Variants in AHNAK2 observed in about 807,000 individuals in gnomAD.
AHNAK2 encodes protein AHNAK2.
AHNAK2 carries 18 observed loss-of-function variants against 30.7 expected under a neutral mutation model. That is an observed-to-expected ratio of 0.59 (90% CI 0.41 to 0.87). AHNAK2 has a LOEUF of 0.87. AHNAK2 is among the 40% of genes least tolerant of loss of function. AHNAK2 has a pLI of 0.00. For synonymous variants in AHNAK2, 3,590 were observed against 3,073.8 expected (o/e 1.17, Z -5.56); for missense variants, 8,604 against 7,373.0 (o/e 1.17, Z -6.11).
At position 104,953,988 on chromosome 14, in the gene AHNAK2, T is replaced by C. The variant is rs1191243972; in HGVS notation, c.1463A>G (p.Asp488Gly). 1 of 1,613,766 alleles carries C rather than the reference T, an allele frequency of 6.2e-7. No individual in the cohort carries two copies. Among genetic ancestry groups the C allele is most frequent in the Non-Finnish European group, 8.5e-7 (1 of 1,179,896 alleles). The stretch of plus-strand genomic sequence containing the variant: ...AAATGCAAATTTTGGTGTCTTTAAA[T>C]CGTGTACTCGCACCCTAATTTCTGG... Reference protein sequence around the residue: ...GPPEIRVRVHDLKTPKFAFST... With the variant: ...GPPEIRVRVHGLKTPKFAFST... The change falls in exon 7 of 7, where the codon GAT becomes GGT. Residue 488 changes from aspartate (D) to glycine (G), a missense_variant. Coordinates refer to ENST00000333244, the MANE Select transcript of AHNAK2 (RefSeq NM_138420.4).
Position 104,947,180 on chromosome 14 carries a change from G to C in AHNAK2, c.8271C>G (p.Asn2757Lys), listed in dbSNP as rs566174043. The C allele has an allele frequency of 3.7e-4, 591 of 1,611,088 alleles. 21 individuals carry two copies. The African/African-American group carries it at 6.3e-3, about 17-fold the overall frequency. Residue 2757 changes from asparagine (N) to lysine (K), a missense_variant, in exon 7 of 7, where the codon AAC becomes AAG. By Grantham distance (94) the Asn-to-Lys change is moderately conservative. Coordinates refer to ENST00000333244, the MANE Select transcript of AHNAK2 (RefSeq NM_138420.4). ...KGPQIDVKGP[N>K]VDLKGPKAEV... ...CCGCCTTGGGGCCTTTCAGGTCCAC[G>C]TTGGGGCCCTTAACATCTATCTGGG...
intron 1 of AHNAK2, among the ~76,000 whole-genome samples, chr14:104,973,882 G>A (rs940087567): frequency 9.2e-5 from 14 of 152,318 alleles, no homozygotes; most frequent in East Asian, 5.8e-4. Context: ...GCAGGGACCC[G>A]CAGCCGGAGG....
Position 104,944,347 on chromosome 14 carries a change from TCTGGCCAGC to T in AHNAK2, c.11095_11103del (p.Ala3699_Gln3701del). ...TGGCCCTCCGGGAGCTTCACATCCA[TCTGGCCAGC>T]CTGGACCTTCAGGTCGGCAGAAGGG... is the stretch of plus-strand genomic sequence containing the variant. On this transcript the variant is annotated inframe_deletion, in exon 7 of 7. Coordinates refer to ENST00000333244, the MANE Select transcript of AHNAK2 (RefSeq NM_138420.4). 1.2e-6 allele frequency: 2 copies of T among 1,609,592 alleles called. No individual in the cohort carries two copies. Among genetic ancestry groups the T allele is most frequent in the Non-Finnish European group, 1.7e-6 (2 of 1,178,262 alleles).
Position 104,939,397 on chromosome 14 carries a change from C to A in AHNAK2, c.16054G>T (p.Glu5352Ter), listed in dbSNP as rs761762358. Reference sequence around the variant, plus strand: ...GAAGCTTTCAATTTAAGTGGACCTTCAGGCTGGGAAGACCATTTCTCTGTT... The same window carrying A: ...GAAGCTTTCAATTTAAGTGGACCTTAAGGCTGGGAAGACCATTTCTCTGTT... Reference protein sequence around the residue: ...DKTEKWSSQPEGPLKLKASST... With the variant: ...DKTEKWSSQP Residue 5352 changes from glutamate to a stop codon, truncating the protein, a stop_gained, in exon 7 of 7, where the codon GAA (glutamate) becomes TAA (stop). Coordinates refer to ENST00000333244, the MANE Select transcript of AHNAK2 (RefSeq NM_138420.4). LOFTEE classifies it low-confidence loss of function (END_TRUNC). 4 of 1,613,538 alleles carry A rather than the reference C, an allele frequency of 2.5e-6. No individual in the cohort carries two copies. The Admixed American group carries it at 5.0e-5, about 20-fold the overall frequency.
chr14:104,967,804 G>C (rs934150316), intron 1 of AHNAK2, among the ~76,000 whole-genome samples: 14 of 152,180 alleles, frequency 9.2e-5, no homozygotes, highest in Admixed American at 7.2e-4. Context: ...TGCGCAGCCA[G>C]GCTACCGGCC....
At position 104,950,153 on chromosome 14, in the gene AHNAK2, G is replaced by C. The variant is rs1429162425; in HGVS notation, c.5298C>G (p.Pro1766=). ...LKGPQMDVKG[P]KLDLKGPKAE... ...CCTTGGGGCCTTTCAGGTCCAGCTTGGGGCCCTTGACGTCCATCTGGGGGC... is the reference window on the plus strand; with the variant it reads ...CCTTGGGGCCTTTCAGGTCCAGCTTCGGGCCCTTGACGTCCATCTGGGGGC... Residue 1766 remains proline (P), a synonymous_variant, in exon 7 of 7, where the codon CCC becomes CCG. Coordinates refer to ENST00000333244, the MANE Select transcript of AHNAK2 (RefSeq NM_138420.4). The C allele has an allele frequency of 6.3e-7, 1 of 1,586,184 alleles. No homozygotes were observed. Among genetic ancestry groups the C allele is most frequent in the Admixed American group, 1.7e-5 (1 of 57,432 alleles).
intron 1 of AHNAK2, among the ~76,000 whole-genome samples, chr14:104,968,019 T>A (rs116381596): frequency 0.024 from 3,594 of 152,338 alleles, 132 homozygotes; most frequent in African/African-American, 0.079. Flanking sequence ...ACACTGTTTG[T>A]TGACGGTCAC....
rs558248129 is a variant in AHNAK2, at chr14:104,951,965, C to T, written c.3486G>A (p.Arg1162=). 3.0e-5 allele frequency: 49 copies of T among 1,612,064 alleles called. No individual in the cohort carries two copies. Among genetic ancestry groups the T allele is most frequent in the African/African-American group, 1.9e-4 (14 of 74,198 alleles). ...ADKDVTAKDS[R]FKMPKFKMPS... ...GCATCTTGAACTTGGGCATTTTGAACCTGCTGTCTTTGGCAGTCACATCCT... is the reference window on the plus strand; with the variant it reads ...GCATCTTGAACTTGGGCATTTTGAATCTGCTGTCTTTGGCAGTCACATCCT... Residue 1162 remains arginine, a synonymous_variant, in exon 7 of 7, where the codon AGG becomes AGA. Coordinates refer to ENST00000333244, the MANE Select transcript of AHNAK2 (RefSeq NM_138420.4).
At position 104,947,811 on chromosome 14, in the gene AHNAK2, A is replaced by T. The variant is rs1408517419; in HGVS notation, c.7640T>A (p.Val2547Glu). 1.9e-6 allele frequency: 3 copies of T among 1,612,222 alleles called. No homozygotes were observed. The highest frequency in any genetic ancestry group is 3.3e-5 in the Admixed American group (2 of 59,914). The change falls in exon 7 of 7, where the codon GTG becomes GAG. Residue 2547 changes from valine to glutamate, a missense_variant. Transcript: ENST00000333244. ...SADLEVQAGQ[V>E]DVKLPEGPVP... ...AGGGCCCTCTGGGAGTTTCACGTCC[A>T]CTTGGCCAGCCTGGACCTCCAGGTC...
At position 104,948,537 on chromosome 14, in the gene AHNAK2, G is replaced by A. The variant is rs1898444804; in HGVS notation, c.6914C>T (p.Ser2305Phe). ...GGCAGTCACGTCCTTGTCGGCCAGG[G>A]ACATGTCCCCCTCCAGCCGCGCACC... ...LDGARLEGDMSLADKDVTAKD... is the reference protein window; with the variant it reads ...LDGARLEGDMFLADKDVTAKD... Residue 2305 changes from serine (S) to phenylalanine (F), a missense_variant, in exon 7 of 7, where the codon TCC (serine) becomes TTC (phenylalanine). Physicochemically the swap from Ser to Phe is radical, Grantham distance 155. Coordinates refer to ENST00000333244, the MANE Select transcript of AHNAK2 (RefSeq NM_138420.4). 6.2e-7 allele frequency: 1 copy of A among 1,612,092 alleles called. No homozygotes were observed. Among genetic ancestry groups the A allele is most frequent in the East Asian group, 2.2e-5 (1 of 44,736 alleles).
intron 1 of AHNAK2, among the ~76,000 whole-genome samples, chr14:104,973,563 G>A (rs991602683): frequency 2.6e-5 from 4 of 152,114 alleles, no homozygotes; most frequent in Non-Finnish European, 4.4e-5. Flanking sequence ...CCCTCCAGCC[G>A]GCAGGGCTCA....
rs1280974234 is a variant in AHNAK2, at chr14:104,973,443, G to A, written c.55+4740C>T. On this transcript the variant is annotated intron_variant, in intron 1 of 6. Coordinates refer to ENST00000333244, the MANE Select transcript of AHNAK2 (RefSeq NM_138420.4). ...AGGAGCCAGGCCTGCCAAGCAGCAGGAGCAGGGCGAGGACCGAAGGCTGTG... is the reference window on the plus strand; with the variant it reads ...AGGAGCCAGGCCTGCCAAGCAGCAGAAGCAGGGCGAGGACCGAAGGCTGTG... Among the ~76,000 whole-genome samples the A allele has an allele frequency of 3.3e-5, 5 of 152,338 alleles. No individual in the cohort carries two copies. The East Asian group carries it at 7.7e-4, about 23-fold the overall frequency.
In AHNAK2 at chr14:104,939,598, C is replaced by G. The variant is rs769456664; in HGVS notation, c.15853G>C (p.Ala5285Pro). 1.1e-5 allele frequency: 17 copies of G among 1,613,724 alleles called. No homozygotes were observed. The highest frequency in any genetic ancestry group is 1.4e-5 in the Non-Finnish European group (17 of 1,179,874). The change falls in exon 7 of 7, where the codon GCT becomes CCT. Residue 5285 changes from alanine to proline, a missense_variant. Coordinates refer to ENST00000333244, the MANE Select transcript of AHNAK2 (RefSeq NM_138420.4). ...GAAAGCTCATCCCCAGTCATCCCAG[C>G]AGTGGAGAGGTGCAGCTTCAAGCCT... The part of the protein sequence containing the change: ...STGLKLHLST[A>P]GMTGDELSTS...
Position 104,944,788 on chromosome 14 carries a change from G to A in AHNAK2, c.10663C>T (p.His3555Tyr), listed in dbSNP as rs1481144618. ...PVPEGAGLKG[H>Y]LPKVEMPSLK... ...CTGGGCATCTCCACTTTGGGCAGGT[G>A]CCCTTTGAGGCCGGCTCCCTCGGGC... is the stretch of plus-strand genomic sequence containing the variant. Residue 3555 changes from histidine to tyrosine, a missense_variant, in exon 7 of 7, where the codon CAC becomes TAC. His to Tyr is a moderately conservative substitution (Grantham distance 83). Coordinates refer to ENST00000333244, the MANE Select transcript of AHNAK2 (RefSeq NM_138420.4). 1.2e-6 allele frequency: 2 copies of A among 1,612,800 alleles called. No homozygotes were observed. Among genetic ancestry groups the A allele is most frequent in the East Asian group, 2.2e-5 (1 of 44,766 alleles).
rs554142933 is a variant in AHNAK2 at position 104,974,356 on chromosome 14, G to A, written c.55+3827C>T. 3.3e-5 allele frequency among the ~76,000 whole-genome samples: 5 copies of A among 152,334 alleles called. No individual in the cohort carries two copies. In the South Asian group the frequency reaches 8.3e-4, roughly 25 times the overall value. On this transcript the variant is annotated intron_variant, in intron 1 of 6. Coordinates refer to ENST00000333244, the MANE Select transcript of AHNAK2 (RefSeq NM_138420.4). ...GCCCTAAGACCTATGGGGCTCCCCG[G>A]TGCCCTCAGGACAAAGCCCTCCCTC...
chr14:104,947,309 C>G lies in AHNAK2; in HGVS notation c.8142G>C (p.Val2714=), dbSNP rs1898337815. Residue 2714 remains valine, a synonymous_variant, in exon 7 of 7, where the codon GTG becomes GTC. Coordinates refer to ENST00000333244, the MANE Select transcript of AHNAK2 (RefSeq NM_138420.4). ...QLEVQAGQVD[V]KLPEGHVPEG... is the part of the protein sequence containing the mutation. ...CGGGAACGTGGCCCTCTGGGAGTTTCACATCCACCTGGCCAGCCTGGACCT... is the reference window on the plus strand; with the variant it reads ...CGGGAACGTGGCCCTCTGGGAGTTTGACATCCACCTGGCCAGCCTGGACCT... The G allele has an allele frequency of 1.9e-6, 3 of 1,611,926 alleles. No individual in the cohort carries two copies.
intron 1 of AHNAK2, among the ~76,000 whole-genome samples, chr14:104,974,193 G>T (rs867643805): frequency 6.6e-6 from 1 of 152,226 alleles, no homozygotes; most frequent in African/African-American, 2.4e-5. Flanking sequence ...TGGGGATCCC[G>T]TCACCCTTAG....
At chr14:104,969,544 C>T (rs999694308) in intron 1 of AHNAK2, among the ~76,000 whole-genome samples, 2 of 152,250 alleles carry the variant, frequency 1.3e-5, no homozygotes, top group Admixed American at 6.5e-5. Context: ...TCACCAAGCA[C>T]TCAGAGCCTG....
intron 1 of AHNAK2, among the ~76,000 whole-genome samples, chr14:104,963,761 C>T (rs1054043327): frequency 1.3e-5 from 2 of 148,436 alleles, no homozygotes; most frequent in Non-Finnish European, 3.0e-5. Flanking sequence ...ACCCGGGAGG[C>T]GGAGCTTGCA....
Sources: gnomAD v4.1 joint callset for allele counts (sites outside exome capture counted in the v4.1 genomes callset) on GRCh38, gnomAD v4.1.1 for gene constraint, MANE v1.5 for transcripts, NCBI Gene and HGNC (gene_info 2026-07-23, HGNC 2026-07-21) for gene names.